The following MXI1 variants were observed in gnomAD, a reference collection of about 807,000 sequenced individuals.
MXI1 encodes MAX interactor 1, dimerization protein, also known as max-interacting protein 1.
Under a neutral mutation model 36.9 loss-of-function variants are expected in MXI1, and 18 were observed. The observed-to-expected ratio is 0.49, with a 90% CI of 0.34 to 0.72. The LOEUF (loss-of-function observed/expected upper bound fraction) is 0.72. MXI1 is among the 30% of genes least tolerant of loss of function. The pLI is 0.01. For synonymous variants in MXI1, 160 were observed against 146.7 expected, an observed-to-expected ratio of 1.09 and a Z score of -0.65; for missense variants, 304 against 379.1, an observed-to-expected ratio of 0.80 and a Z score of 1.64.
intron 2 of MXI1, among the ~76,000 whole-genome samples, chr10:110,242,100 C>T (rs1226355489): frequency 6.6e-6 from 1 of 151,882 alleles, no homozygotes; most frequent in Non-Finnish European, 1.5e-5. Flanking sequence ...TTATCCCTTC[C>T]ACTTGGAATG....
intron 1 of MXI1, chr10:110,210,346 C>T (rs1202886411): frequency 2.1e-6 from 2 of 945,808 alleles, no homozygotes; most frequent in African/African-American, 3.5e-5. Flanking sequence ...CCCCGCAGCC[C>T]CCCTCCTCCG....
intron 3 of MXI1, among the ~76,000 whole-genome samples, chr10:110,275,619 A>G (rs1564725630): frequency 6.6e-6 from 1 of 152,178 alleles, no homozygotes; most frequent in Non-Finnish European, 1.5e-5. Flanking sequence ...GACATGTGGT[A>G]ACTGTGTGCA....
rs756512552 is a variant in MXI1, at chr10:110,244,866, G to C, written c.437+9G>C. On this transcript the variant is annotated intron_variant, in intron 3 of 5. Transcript: ENST00000332674. ...GAGCTGGAAAAGAATCGGTGAGTCAGTGATGAGGTACAGCTTTCACTTACG... is the reference window on the plus strand; with the variant it reads ...GAGCTGGAAAAGAATCGGTGAGTCACTGATGAGGTACAGCTTTCACTTACG... 3 of 1,606,678 alleles carry C rather than the reference G, an allele frequency of 1.9e-6. No individual in the cohort carries two copies. Among genetic ancestry groups the C allele is most frequent in the Admixed American group, 3.4e-5 (2 of 59,524 alleles).
chr10:110,233,158 G>A (rs1855334054), intron 2 of MXI1, among the ~76,000 whole-genome samples: 1 of 152,058 alleles, frequency 6.6e-6, no homozygotes, highest in South Asian at 2.1e-4. Context: ...CATAAAAGCA[G>A]TATCTCAGTT....
Position 110,247,372 on chromosome 10 carries a change from C to A in MXI1, c.437+2515C>A, listed in dbSNP as rs1855909820. Among the ~76,000 whole-genome samples the A allele has an allele frequency of 2.6e-5, 4 of 152,160 alleles. No homozygotes were observed. In the South Asian group the frequency reaches 6.2e-4, roughly 24 times the overall value. ...TCTGATGGTAGTTTCTTTTGCTGTGCAGAAGCCCTTTAGTTTAATTACATC... is the reference window on the plus strand; with the variant it reads ...TCTGATGGTAGTTTCTTTTGCTGTGAAGAAGCCCTTTAGTTTAATTACATC... On this transcript the variant is annotated intron_variant, in intron 3 of 5. Transcript: ENST00000332674.
chr10:110,268,965 A>G (rs1420532030), intron 3 of MXI1, among the ~76,000 whole-genome samples: 3 of 152,208 alleles, frequency 2.0e-5, no homozygotes, highest in Admixed American at 6.5e-5. Context: ...ACATACACAC[A>G]TACACACTGG....
At chr10:110,213,372 T>C (rs1372408352) in intron 1 of MXI1, among the ~76,000 whole-genome samples, 1 of 152,254 alleles carries the variant, frequency 6.6e-6, no homozygotes, top group African/African-American at 2.4e-5. Flanking sequence ...AGATGCTTCT[T>C]TCTGAAAACT....
chr10:110,236,864 A>G (rs1855495835), intron 2 of MXI1, among the ~76,000 whole-genome samples: 1 of 152,134 alleles, frequency 6.6e-6, no homozygotes, highest in South Asian at 2.1e-4. Flanking sequence ...ATTTGGGGAA[A>G]CCCAACATGT....
At chr10:110,249,893 G>A (rs1160421611) in intron 3 of MXI1, among the ~76,000 whole-genome samples, 1 of 152,162 alleles carries the variant, frequency 6.6e-6, no homozygotes, top group South Asian at 2.1e-4. Flanking sequence ...AATTGCTGGT[G>A]AATGGCTAAG....
At chr10:110,244,494 A>C (rs1230126709) in intron 2 of MXI1, among the ~76,000 whole-genome samples, 1 of 151,394 alleles carries the variant, frequency 6.6e-6, no homozygotes, top group Non-Finnish European at 1.5e-5. Flanking sequence ...TAAAAACAGG[A>C]TTATGTTTAA....
Position 110,213,094 on chromosome 10 carries a change from C to T in MXI1, c.274+5012C>T, listed in dbSNP as rs76121111. 9.7e-4 allele frequency among the ~76,000 whole-genome samples: 147 copies of T among 152,252 alleles called. 3 individuals carry two copies. In the East Asian group the frequency reaches 0.025, roughly 26 times the overall value. On this transcript the variant is annotated intron_variant, in intron 1 of 5. Transcript: ENST00000332674. Reference sequence around the variant, plus strand: ...GACAGCCTTTCCGAAGATTTGGAGACGAGTCAGAAATACTGATCTCCAACT... The same window carrying T: ...GACAGCCTTTCCGAAGATTTGGAGATGAGTCAGAAATACTGATCTCCAACT...
intron 3 of MXI1, among the ~76,000 whole-genome samples, chr10:110,260,311 A>G (rs1211779742): frequency 3.3e-5 from 5 of 152,124 alleles, no homozygotes; most frequent in Non-Finnish European, 5.9e-5. Flanking sequence ...CCCTGCCTAC[A>G]TGTAAAGTTT....
chr10:110,210,403 C>T (rs1590318800), intron 1 of MXI1: 2 of 539,560 alleles, frequency 3.7e-6, no homozygotes, highest in Non-Finnish European at 4.7e-6. Flanking sequence ...TTCTTTTCGC[C>T]GCTGCTGTTT....
rs1855539944 is a variant in MXI1 at position 110,238,234 on chromosome 10, ACAAT to A, written c.408-6591_408-6588del. Among the ~76,000 whole-genome samples the A allele has an allele frequency of 3.3e-5, 5 of 152,286 alleles. No homozygotes were observed. In the South Asian group the frequency reaches 1.0e-3, roughly 32 times the overall value. Reference sequence around the variant, plus strand: ...GTACTTCTCTCCCCTGTGTTGGGCCACAATCAGTGACTCAAAGCCCCAACCCTCT... The same window carrying A: ...GTACTTCTCTCCCCTGTGTTGGGCCACAGTGACTCAAAGCCCCAACCCTCT... On this transcript the variant is annotated intron_variant, in intron 2 of 5. Transcript: ENST00000332674.
chr10:110,216,671 T>TGTTTTGTTTTG (rs199889794), intron 1 of MXI1, among the ~76,000 whole-genome samples: 6 of 91,344 alleles, frequency 6.6e-5, no homozygotes, highest in Non-Finnish European at 1.1e-4. Flanking sequence ...TAATGTTTTT[T>TGTTTTGTTTTG]TTTTTTTTTT....
At chr10:110,280,938 A>C (rs1307256685) in intron 5 of MXI1, among the ~76,000 whole-genome samples, 2 of 152,236 alleles carry the variant, frequency 1.3e-5, no homozygotes, top group Non-Finnish European at 1.5e-5. Flanking sequence ...ATCAGGCTTC[A>C]TATCACATTA....
chr10:110,265,553 T>C (rs761659119), intron 3 of MXI1, among the ~76,000 whole-genome samples: 8 of 152,196 alleles, frequency 5.3e-5, no homozygotes, highest in Non-Finnish European at 1.0e-4. Flanking sequence ...AGAGGACTTA[T>C]AAAGATAATT....
intron 3 of MXI1, among the ~76,000 whole-genome samples, chr10:110,253,960 T>G (rs1298812518): frequency 1.3e-5 from 2 of 152,016 alleles, no homozygotes; most frequent in Non-Finnish European, 2.9e-5. Flanking sequence ...TTTCATGACT[T>G]ATACTCAACA....
At chr10:110,228,435 G>A in intron 2 of MXI1, 114 bp downstream of exon 2, 2 of 1,277,162 alleles carry the variant, frequency 1.6e-6, no homozygotes, top group Non-Finnish European at 2.2e-6. Flanking sequence ...CTACCCTGGG[G>A]ATTTGGCCCT....
Sources: gnomAD v4.1 joint callset for allele counts (sites outside exome capture counted in the v4.1 genomes callset) on GRCh38, gnomAD v4.1.1 for gene constraint, MANE v1.5 for transcripts, NCBI Gene and HGNC (gene_info 2026-07-23, HGNC 2026-07-21) for gene names.